The following C6 variants were observed in gnomAD, a reference collection of about 807,000 sequenced individuals.
C6 encodes the protein complement C6.
A neutral mutation model predicts 112.9 loss-of-function variants in C6; 101 were observed. The observed-to-expected ratio is 0.89, with a 90% confidence interval of 0.76 to 1.06. C6 has a LOEUF of 1.06. C6 is among the 50% of genes least tolerant of loss of function. The pLI is 0.00. For missense variants in C6, 1,202 were observed against 1,104.6 expected, an observed-to-expected ratio of 1.09 and a Z score of -1.25; for synonymous variants, 431 against 384.1, an observed-to-expected ratio of 1.12 and a Z score of -1.43.
chr5:41,203,489 G>T (rs1048780384), intron 1 of C6: 5 of 470,870 alleles, frequency 1.1e-5, no homozygotes, highest in East Asian at 4.2e-5. Context: ...TTCTTCAAAC[G>T]GTTAGTGATA....
At chr5:41,260,067 A>G (rs1156822015) in intron 1 of C6, among the ~76,000 whole-genome samples, 2 of 152,242 alleles carry the variant, frequency 1.3e-5, no homozygotes, top group African/African-American at 4.8e-5. Context: ...CCAGTTATGG[A>G]TAATGATTTC....
chr5:41,165,522 C>G (rs943236240), intron 9 of C6, among the ~76,000 whole-genome samples: 1 of 152,028 alleles, frequency 6.6e-6, no homozygotes, highest in African/African-American at 2.4e-5. Flanking sequence ...TTATCTTTAT[C>G]ATATTTTCAT....
chr5:41,145,864 T>C (rs536259671), intron 17 of C6, among the ~76,000 whole-genome samples: 2 of 152,280 alleles, frequency 1.3e-5, no homozygotes, highest in East Asian at 3.9e-4. Flanking sequence ...ACTACCCTTT[T>C]AGTATGGATA....
chr5:41,249,225 G>A (rs145458570), intron 1 of C6, among the ~76,000 whole-genome samples: 1 of 151,994 alleles, frequency 6.6e-6, no homozygotes, highest in African/African-American at 2.4e-5. Flanking sequence ...CTTGGGTGAG[G>A]GGATCAATGG....
chr5:41,162,720 C>T (rs1747636094), intron 9 of C6, among the ~76,000 whole-genome samples: 1 of 152,076 alleles, frequency 6.6e-6, no homozygotes, highest in Non-Finnish European at 1.5e-5. Flanking sequence ...CACTATTTAG[C>T]AATTCTATAG....
chr5:41,151,554 T>C (rs946993054), intron 15 of C6, among the ~76,000 whole-genome samples: 16 of 152,354 alleles, frequency 1.1e-4, no homozygotes, highest in African/African-American at 3.1e-4. Context: ...TAGATATTCA[T>C]GTCTAAATCT....
chr5:41,258,987 G>C (rs1368845656), intron 1 of C6, among the ~76,000 whole-genome samples: 1 of 152,086 alleles, frequency 6.6e-6, no homozygotes, highest in African/African-American at 2.4e-5. Context: ...GTGAGATTTG[G>C]GTGGGGACAC....
chr5:41,251,251 T>C (rs1741343052), intron 1 of C6, among the ~76,000 whole-genome samples: 1 of 152,186 alleles, frequency 6.6e-6, no homozygotes, highest in African/African-American at 2.4e-5. Flanking sequence ...AAGGAACTTA[T>C]TTAAGAAAAG....
chr5:41,227,086 G>A (rs750324084), intron 1 of C6, among the ~76,000 whole-genome samples: 1 of 152,054 alleles, frequency 6.6e-6, no homozygotes, highest in African/African-American at 2.4e-5. Context: ...GTGTGTAAGA[G>A]TTTTCTTTCC....
chr5:41,216,098 G>C (rs1218913122), upstream of C6, among the ~76,000 whole-genome samples: 1 of 151,934 alleles, frequency 6.6e-6, no homozygotes, highest in Non-Finnish European at 1.5e-5. Context: ...GAAACAGAAG[G>C]TATTTTGGAC....
intron 1 of C6, among the ~76,000 whole-genome samples, chr5:41,221,054 A>G (rs1739139049): frequency 6.6e-6 from 1 of 151,750 alleles, no homozygotes; most frequent in Non-Finnish European, 1.5e-5. Flanking sequence ...ATAGAAACAC[A>G]AGACTTAAAG....
chr5:41,177,672 A>G (rs1294388910), intron 7 of C6, among the ~76,000 whole-genome samples: 3 of 152,188 alleles, frequency 2.0e-5, no homozygotes, highest in African/African-American at 4.8e-5. Context: ...AAGAAAAAAA[A>G]TAATCCCAAG....
intron 1 of C6, among the ~76,000 whole-genome samples, chr5:41,259,596 A>G (rs532941444): frequency 8.5e-5 from 13 of 152,070 alleles, no homozygotes; most frequent in Non-Finnish European, 1.6e-4. Context: ...TGTTTTCAGC[A>G]CATTACCACC....
In C6 at chr5:41,142,466, T is replaced by C. The variant is rs2150208882; in HGVS notation, c.*359A>G. 7.8e-6 allele frequency: 2 copies of C among 255,784 alleles called. No homozygotes were observed. The highest frequency in any genetic ancestry group is 3.0e-3 in the Middle Eastern group (2 of 660). 15.8% of individuals were successfully genotyped at this position (255,784 alleles called of 1,614,324 possible). A position where few individuals can be genotyped will look rare whatever the true frequency, so the allele number is the denominator to read the frequency against. ...CTGGAGATTTCTGTTTATTAACTCA[T>C]TGAAGAAAATTATGGGTTTTATTCT... is the stretch of plus-strand genomic sequence containing the variant. On this transcript the variant is annotated 3_prime_UTR_variant, in exon 18 of 18. Coordinates refer to ENST00000337836, the MANE Select transcript of C6 (RefSeq NM_000065.5).
In C6 at chr5:41,158,736, G is replaced by C. The variant is rs186960114; in HGVS notation, c.1906C>G (p.Pro636Ala). 1.9e-4 allele frequency: 301 copies of C among 1,611,222 alleles called. 2 individuals are homozygous for C. Among genetic ancestry groups the C allele is most frequent in the Admixed American group, 9.0e-4 (54 of 59,938 alleles). ...DDEEMKEVDL[P>A]EIEADSGCPQ... ...CACCCGGAATCTGCTTCTATCTCAG[G>C]AAGATCGACCTCTTTCATTTCTTCG... is the stretch of plus-strand genomic sequence containing the variant. The change falls in exon 13 of 18, where the codon CCT becomes GCT. Residue 636 changes from proline (P) to alanine (A), a missense_variant. Transcript: ENST00000337836.
intron 15 of C6, among the ~76,000 whole-genome samples, chr5:41,151,329 T>A (rs796108788): frequency 7.6e-4 from 115 of 152,306 alleles, no homozygotes; most frequent in African/African-American, 2.7e-3. Context: ...ACAAGTGATA[T>A]TACCTATTAT....
At chr5:41,203,023 A>G (rs553684011) in intron 2 of C6, 65 bp downstream of exon 2, 9 of 1,481,568 alleles carry the variant, frequency 6.1e-6, no homozygotes, top group African/African-American at 1.4e-5. Flanking sequence ...TGCACTCCTG[A>G]TGTTGCTGAC....
In C6 at chr5:41,160,180, C is replaced by A; in HGVS notation, c.1646G>T (p.Gly549Val). The change falls in exon 11 of 18, where the codon GGT becomes GTT. Residue 549 changes from glycine to valine, a missense_variant. Physicochemically the swap from Gly to Val is moderately radical, Grantham distance 109. Transcript: ENST00000337836. The stretch of plus-strand genomic sequence containing the variant: ...TGGAGACTGTTTCTCACAGTTCTCA[C>A]CATAGGTGCCACTCTGACACACACA... ...CLCVCQSGTY[G>V]ENCEKQSPDY... 6.2e-7 allele frequency: 1 copy of A among 1,613,842 alleles called. No individual in the cohort carries two copies. Among genetic ancestry groups the A allele is most frequent in the Non-Finnish European group, 8.5e-7 (1 of 1,179,798 alleles).
Position 41,160,207 on chromosome 5 carries a change from A to C in C6, c.1619T>G (p.Leu540Arg), listed in dbSNP as rs553814469. The change falls in exon 11 of 18, where the codon CTG becomes CGG. Residue 540 changes from leucine (L) to arginine (R), a missense_variant. Physicochemically the swap from Leu to Arg is moderately radical, Grantham distance 102. Coordinates refer to ENST00000337836, the MANE Select transcript of C6 (RefSeq NM_000065.5). ...ATAGGTGCCACTCTGACACACACAC[A>C]GACATTCAGTCCCTGAGAGGGTGGG... ...GRPTLSGTECLCVCQSGTYGE... is the reference protein window; with the variant it reads ...GRPTLSGTECRCVCQSGTYGE... 1 of 1,613,916 alleles carries C rather than the reference A, an allele frequency of 6.2e-7. No individual in the cohort carries two copies. The highest frequency in any genetic ancestry group is 1.7e-5 in the Admixed American group (1 of 59,996).
Sources: gnomAD v4.1 joint callset for allele counts (sites outside exome capture counted in the v4.1 genomes callset) on GRCh38, gnomAD v4.1.1 for gene constraint, MANE v1.5 for transcripts, NCBI Gene and HGNC (gene_info 2026-07-23, HGNC 2026-07-21) for gene names.